The following RXYLT1 variants were observed in gnomAD, a reference collection of about 807,000 sequenced individuals.
RXYLT1 encodes the protein ribitol xylosyltransferase 1.
Under a neutral mutation model 43.5 loss-of-function variants are expected in RXYLT1, and 41 were observed. That is an observed-to-expected ratio of 0.94 (90% CI 0.73 to 1.22). The LOEUF is 1.22. Ranked by LOEUF, RXYLT1 falls within the 50% of genes most tolerant of loss-of-function variation. The pLI is 0.00. For synonymous variants in RXYLT1, 166 were observed against 194.4 expected (o/e 0.85, Z 1.21); for missense variants, 514 against 532.0 (o/e 0.97, Z 0.33).
chr12:63,780,336 C>T (rs977899978), intron 1 of RXYLT1: 6 of 1,290,742 alleles, frequency 4.6e-6, no homozygotes, highest in Middle Eastern at 2.9e-4. Context: ...CACACGCCGT[C>T]CCCGCTCCCG....
In RXYLT1 at chr12:63,802,074, T is replaced by G. The variant is rs1565905692; in HGVS notation, c.429-17T>G. ...GGCTTTGTTTGTCTCTTGTTTTTGT[T>G]GTGTTGTTTTTAACAGCTTCATCAC... On this transcript the variant is annotated splice_polypyrimidine_tract_variant and intron_variant, in intron 3 of 5. Coordinates refer to ENST00000261234, the MANE Select transcript of RXYLT1 (RefSeq NM_014254.3). 6.4e-7 allele frequency: 1 copy of G among 1,554,362 alleles called. No individual in the cohort carries two copies. The highest frequency in any genetic ancestry group is 8.7e-7 in the Non-Finnish European group (1 of 1,151,942).
At chr12:63,790,961 TTTTA>T (rs1170465297) in intron 3 of RXYLT1, among the ~76,000 whole-genome samples, 4 of 152,214 alleles carry the variant, frequency 2.6e-5, no homozygotes, top group Non-Finnish European at 5.9e-5. Flanking sequence ...CTTGTTGCTC[TTTTA>T]TTTTAGTGTT....
chr12:63,801,225 A>ATT (rs1175045738), intron 3 of RXYLT1, among the ~76,000 whole-genome samples: 4 of 150,760 alleles, frequency 2.7e-5, no homozygotes, highest in Non-Finnish European at 5.9e-5. Context: ...GTTTATGTAT[A>ATT]TTTTGTGAGT....
intron 3 of RXYLT1, among the ~76,000 whole-genome samples, chr12:63,801,155 T>C (rs1898150689): frequency 6.6e-6 from 1 of 152,212 alleles, no homozygotes; most frequent in African/African-American, 2.4e-5. Flanking sequence ...ATTCAAATTT[T>C]TATATTTATA....
At chr12:63,799,397 T>C (rs1489435369) in intron 3 of RXYLT1, among the ~76,000 whole-genome samples, 3 of 149,148 alleles carry the variant, frequency 2.0e-5, no homozygotes, top group Non-Finnish European at 4.4e-5. Flanking sequence ...CTTGACTTCC[T>C]GGGCTCAAGT....
At chr12:63,806,656 T>C in intron 5 of RXYLT1, 1 of 152,264 alleles carries the variant, frequency 6.6e-6, no homozygotes, top group Non-Finnish European at 1.5e-5. Flanking sequence ...TCTCATACCA[T>C]TGAGCCAGAG....
chr12:63,784,905 T>A, intron 2 of RXYLT1, 65 bp from the exon 3 acceptor site: 1 of 1,377,358 alleles, frequency 7.3e-7, no homozygotes, highest in South Asian at 1.2e-5. Flanking sequence ...CGTAAACTTG[T>A]CTCATGCACT....
rs191961989 is a variant in RXYLT1, at chr12:63,793,209, T to A, written c.428+8137T>A. 7.2e-5 allele frequency among the ~76,000 whole-genome samples: 11 copies of A among 152,380 alleles called. No homozygotes were observed. The East Asian group carries it at 1.5e-3, about 21-fold the overall frequency. ...ATGTTTTTAGATTTTAATATCCTCTTTATAGTAATTTAATTACAATTTTGC... is the reference window on the plus strand; with the variant it reads ...ATGTTTTTAGATTTTAATATCCTCTATATAGTAATTTAATTACAATTTTGC... On this transcript the variant is annotated intron_variant, in intron 3 of 5. Transcript: ENST00000261234.
intron 3 of RXYLT1, among the ~76,000 whole-genome samples, chr12:63,800,663 G>A (rs759339676): frequency 1.3e-5 from 2 of 152,152 alleles, no homozygotes; most frequent in South Asian, 4.1e-4. Context: ...GCTCATACCT[G>A]TAATCCCAGC....
intron 3 of RXYLT1, among the ~76,000 whole-genome samples, chr12:63,795,878 AT>A (rs938611688): frequency 1.4e-4 from 22 of 152,174 alleles, no homozygotes; most frequent in African/African-American, 4.3e-4. Context: ...TTTTGAAATA[AT>A]TTTAGACTTA....
intron 3 of RXYLT1, among the ~76,000 whole-genome samples, chr12:63,793,931 T>C (rs1218949888): frequency 6.6e-6 from 1 of 152,218 alleles, no homozygotes; most frequent in African/African-American, 2.4e-5. Context: ...CTTACAATAC[T>C]GAAGCCTACT....
chr12:63,793,753 A>G (rs1358208271), intron 3 of RXYLT1, among the ~76,000 whole-genome samples: 11 of 152,222 alleles, frequency 7.2e-5, no homozygotes, highest in Admixed American at 7.2e-4. Flanking sequence ...TTGAAAAGAT[A>G]AATTTGATTC....
chr12:63,781,018 G>T lies in RXYLT1; in HGVS notation c.170-1G>T. 6.3e-7 allele frequency: 1 copy of T among 1,589,176 alleles called. No individual in the cohort carries two copies. Among genetic ancestry groups the T allele is most frequent in the South Asian group, 1.2e-5 (1 of 85,812 alleles). ...GTAAACACTTACTCTTTTTAAAACA[G>T]AACAGTCCACTTTGGAAAGTGAAGA... On this transcript the variant is annotated splice_acceptor_variant, in intron 1 of 5. Transcript: ENST00000261234. LOFTEE classifies it high-confidence loss of function.
At chr12:63,795,065 G>A (rs534687107) in intron 3 of RXYLT1, among the ~76,000 whole-genome samples, 17 of 152,248 alleles carry the variant, frequency 1.1e-4, no homozygotes, top group African/African-American at 3.8e-4. Flanking sequence ...GGAGGCCAAA[G>A]CAGGCAGATC....
Position 63,781,054 on chromosome 12 carries a change from T to C in RXYLT1, c.205T>C (p.Trp69Arg). The change falls in exon 2 of 6, where the codon TGG becomes CGG. Residue 69 changes from tryptophan to arginine, a missense_variant. Transcript: ENST00000261234. ...STLESEEWNP[W>R]EGDEKNEQQH... ...TTTGGAAAGTGAAGAATGGAATCCT[T>C]GGGAAGGAGATGAAAAAAATGAGCA... 4 of 1,607,174 alleles carry C rather than the reference T, an allele frequency of 2.5e-6. No individual in the cohort carries two copies. Among genetic ancestry groups the C allele is most frequent in the Non-Finnish European group, 3.4e-6 (4 of 1,177,398 alleles).
rs758007661 is a variant in RXYLT1 at position 63,781,100 on chromosome 12, G to A, written c.251G>A (p.Ser84Asn). ...GAGCAACAACACAGATTTAAAACTA[G>A]CCTTCAAATATTAGATAAATCCACG... The part of the protein sequence containing the change: ...KNEQQHRFKT[S>N]LQILDKSTKG... Residue 84 changes from serine (S) to asparagine (N), a missense_variant, in exon 2 of 6, where the codon AGC (serine) becomes AAC (asparagine). Coordinates refer to ENST00000261234, the MANE Select transcript of RXYLT1 (RefSeq NM_014254.3). The A allele has an allele frequency of 2.4e-5, 39 of 1,609,572 alleles. No individual in the cohort carries two copies. In the South Asian group the frequency reaches 4.3e-4, roughly 18 times the overall value.
At chr12:63,801,743 G>A (rs1316933940) in intron 3 of RXYLT1, among the ~76,000 whole-genome samples, 1 of 151,946 alleles carries the variant, frequency 6.6e-6, no homozygotes, top group Non-Finnish European at 1.5e-5. Context: ...GATCACCTGA[G>A]CCAGGGAAGT....
At chr12:63,782,265 A>T (rs1378707248) in intron 2 of RXYLT1, among the ~76,000 whole-genome samples, 2 of 152,318 alleles carry the variant, frequency 1.3e-5, no homozygotes, top group Admixed American at 6.5e-5. Context: ...AGAAAAATTG[A>T]AGTAAAAAAG....
intron 3 of RXYLT1, among the ~76,000 whole-genome samples, chr12:63,800,422 A>G (rs377460280): frequency 1.9e-4 from 29 of 152,362 alleles, no homozygotes; most frequent in African/African-American, 5.8e-4. Flanking sequence ...CTATCAGGAT[A>G]TAAAGAAATG....
Sources: allele counts gnomAD v4.1 joint callset (sites outside exome capture counted in the v4.1 genomes callset), GRCh38; gene constraint gnomAD v4.1.1; transcripts MANE v1.5; gene names NCBI Gene and HGNC (gene_info 2026-07-23, HGNC 2026-07-21).